The following CCSER1 variants were observed in gnomAD, a reference collection of about 807,000 sequenced individuals.
CCSER1 encodes the protein serine-rich coiled-coil domain-containing protein 1.
Under a neutral mutation model 82.0 loss-of-function variants are expected in CCSER1, and 41 were observed. The observed-to-expected ratio is 0.50, with a 90% confidence interval of 0.39 to 0.65. The LOEUF is 0.65. CCSER1 is among the 30% of genes least tolerant of loss of function. The probability of loss-of-function intolerance (pLI) is 0.00; values close to 1 mark genes in which losing one functional copy is unlikely to be tolerated. For synonymous variants in CCSER1, 414 were observed against 383.9 expected (o/e 1.08, Z -0.92); for missense variants, 1,119 against 1,064.2 (o/e 1.05, Z -0.72).
intron 5 of CCSER1, among the ~76,000 whole-genome samples, chr4:90,581,846 C>T (rs1465294161): frequency 1.3e-5 from 2 of 151,502 alleles, no homozygotes; most frequent in East Asian, 3.9e-4. Flanking sequence ...CATATCAGTA[C>T]AGAGCCTTGA....
intron 4 of CCSER1, among the ~76,000 whole-genome samples, chr4:90,458,818 C>T (rs916362314): frequency 3.9e-5 from 6 of 152,222 alleles, no homozygotes; most frequent in Non-Finnish European, 7.3e-5. Flanking sequence ...AAGGACTTCA[C>T]AGACCTCCAG....
At chr4:90,191,428 GAT>G (rs1025276154) in intron 1 of CCSER1, among the ~76,000 whole-genome samples, 2 of 151,990 alleles carry the variant, frequency 1.3e-5, no homozygotes, top group Non-Finnish European at 2.9e-5. Context: ...TGTTGGTCAA[GAT>G]CATGTAATTT....
intron 5 of CCSER1, among the ~76,000 whole-genome samples, chr4:90,493,614 T>C (rs1768456385): frequency 3.9e-5 from 6 of 152,332 alleles, no homozygotes; most frequent in African/African-American, 1.2e-4. Flanking sequence ...ATATTCAACA[T>C]TCTTAAAGAA....
chr4:91,402,559 G>A (rs1371473413), intron 10 of CCSER1, among the ~76,000 whole-genome samples: 14 of 152,132 alleles, frequency 9.2e-5, no homozygotes, highest in Non-Finnish European at 1.5e-4. Context: ...TCCATCTTGA[G>A]TTAATTTTTG....
chr4:90,333,747 G>T (rs866278402), intron 3 of CCSER1, among the ~76,000 whole-genome samples: 6 of 152,150 alleles, frequency 3.9e-5, no homozygotes, highest in Admixed American at 3.9e-4. Flanking sequence ...AAGAAAACCT[G>T]CACAATAGTA....
intron 3 of CCSER1, among the ~76,000 whole-genome samples, chr4:90,323,909 A>G (rs1311973231): frequency 6.6e-6 from 1 of 152,006 alleles, no homozygotes; most frequent in African/African-American, 2.4e-5. Context: ...TATGAGTGAG[A>G]ATATGCGGTA....
chr4:90,922,888 G>T (rs1288529071), intron 8 of CCSER1, among the ~76,000 whole-genome samples: 1 of 152,110 alleles, frequency 6.6e-6, no homozygotes, highest in Non-Finnish European at 1.5e-5. Flanking sequence ...ATTTGTGTCA[G>T]TCTCTTAAGG....
Position 90,245,413 on chromosome 4 carries a change from CT to C in CCSER1, c.-41-62830del, listed in dbSNP as rs564160534. Among the ~76,000 whole-genome samples, 73 of 150,884 alleles carry C rather than the reference CT, an allele frequency of 4.8e-4. 1 individual carries two copies. The South Asian group carries it at 0.015, about 31-fold the overall frequency. ...AAGGTGCTGGTAGCTGACCCCTTCT[CT>C]AAGGTCATGGTAGGATCTTTAGGCT... On this transcript the variant is annotated intron_variant, in intron 1 of 10. Transcript: ENST00000509176.
intron 4 of CCSER1, among the ~76,000 whole-genome samples, chr4:90,457,706 G>A (rs1382249831): frequency 3.3e-5 from 5 of 152,092 alleles, no homozygotes; most frequent in Non-Finnish European, 7.3e-5. Flanking sequence ...TGTTCCATGG[G>A]CGGCCATGGC....
intron 10 of CCSER1, among the ~76,000 whole-genome samples, chr4:91,444,680 C>A (rs148643563): frequency 0.014 from 2,058 of 152,238 alleles, 54 homozygotes; most frequent in African/African-American, 0.047. Flanking sequence ...AAACTCCTGA[C>A]CTCAGGTGAC....
At chr4:90,713,635 C>G (rs1162359344) in intron 6 of CCSER1, among the ~76,000 whole-genome samples, 3 of 151,694 alleles carry the variant, frequency 2.0e-5, no homozygotes, top group Non-Finnish European at 4.4e-5. Context: ...GGTTAAACTT[C>G]TTGTGAAGTA....
intron 6 of CCSER1, among the ~76,000 whole-genome samples, chr4:90,659,951 A>C (rs960412326): frequency 6.6e-6 from 1 of 151,836 alleles, no homozygotes; most frequent in Non-Finnish European, 1.5e-5. Context: ...TCATTTGCAC[A>C]CTTTTTAGTG....
intron 10 of CCSER1, among the ~76,000 whole-genome samples, chr4:91,466,958 G>C (rs1229994833): frequency 6.6e-6 from 1 of 152,062 alleles, no homozygotes; most frequent in African/African-American, 2.4e-5. Context: ...CAATGCCATT[G>C]CCATCAAGCT....
intron 10 of CCSER1, among the ~76,000 whole-genome samples, chr4:91,505,632 C>A (rs1005855127): frequency 3.3e-5 from 5 of 152,136 alleles, no homozygotes; most frequent in African/African-American, 1.2e-4. Flanking sequence ...TTAGTAATCA[C>A]CATTCTGACT....
intron 10 of CCSER1, among the ~76,000 whole-genome samples, chr4:91,104,006 G>A (rs1013468883): frequency 3.3e-5 from 5 of 152,066 alleles, no homozygotes; most frequent in South Asian, 4.2e-4. Context: ...GTCTATAAAC[G>A]GCCGCTCTGG....
At chr4:91,145,283 C>T (rs1729430396) in intron 10 of CCSER1, among the ~76,000 whole-genome samples, 1 of 152,086 alleles carries the variant, frequency 6.6e-6, no homozygotes. Context: ...GTGTTCCCTA[C>T]TCTTTTTTTG....
intron 9 of CCSER1, among the ~76,000 whole-genome samples, chr4:91,049,618 G>C (rs776203317): frequency 6.6e-6 from 1 of 152,152 alleles, no homozygotes; most frequent in Non-Finnish European, 1.5e-5. Context: ...TACATAAACT[G>C]GTGAGAGAAC....
In CCSER1 at chr4:91,367,963, G is replaced by T. The variant is rs72656155; in HGVS notation, c.2218-230609G>T. Among the ~76,000 whole-genome samples the T allele has an allele frequency of 2.5e-3, 383 of 152,222 alleles. 3 individuals are homozygous for T. The highest frequency in any genetic ancestry group is 0.014 in the Middle Eastern group (4 of 294). ...TAAATGTGTCTTACTTTTTGAGTGGGCTTGGATAGCATTTATTCTTAGTCT... is the reference window on the plus strand; with the variant it reads ...TAAATGTGTCTTACTTTTTGAGTGGTCTTGGATAGCATTTATTCTTAGTCT... On this transcript the variant is annotated intron_variant, in intron 10 of 10. Transcript: ENST00000509176.
intron 8 of CCSER1, among the ~76,000 whole-genome samples, chr4:90,908,069 A>G (rs986471045): frequency 1.3e-5 from 2 of 152,146 alleles, no homozygotes; most frequent in African/African-American, 4.8e-5. Flanking sequence ...ATATGGTACT[A>G]AATAAACATG....
Sources: gnomAD v4.1 joint callset for allele counts (sites outside exome capture counted in the v4.1 genomes callset) on GRCh38, gnomAD v4.1.1 for gene constraint, MANE v1.5 for transcripts, NCBI Gene and HGNC (gene_info 2026-07-23, HGNC 2026-07-21) for gene names.